SCML2: variants seen among roughly 807,000 people sequenced by gnomAD.
The protein encoded by SCML2 is Scm polycomb group protein like 2, also known as sex comb on midleg-like protein 2.
In SCML2, 6 loss-of-function variants were observed where a neutral mutation model predicts 48.4. The observed-to-expected ratio is 0.12, with a 90% CI of 0.07 to 0.24. SCML2 has a LOEUF of 0.24. Ranked by LOEUF, SCML2 falls within the 10% of genes least tolerant of loss-of-function variation. The pLI is 1.00. For synonymous variants in SCML2, 181 were observed against 189.5 expected, an observed-to-expected ratio of 0.95 and a Z score of 0.37; for missense variants, 377 against 528.2, an observed-to-expected ratio of 0.71 and a Z score of 2.81.
At chrX:18,347,142 A>G (rs1028904880) in intron 1 of SCML2, among the ~76,000 whole-genome samples, 4 of 112,068 alleles carry the variant, frequency 3.6e-5, no homozygotes, top group Non-Finnish European at 5.6e-5. Context: ...AATTAAGACT[A>G]ATCAATATTA....
chrX:18,322,754 C>T (rs1453421402), intron 5 of SCML2, among the ~76,000 whole-genome samples: 3 of 110,277 alleles, frequency 2.7e-5, no homozygotes, highest in African/African-American at 6.6e-5. Context: ...ATTAGCCAGG[C>T]GTGGTGGCGG....
At position 18,305,229 on chromosome X, in the gene SCML2, A is replaced by T. The variant is rs779197635; in HGVS notation, c.487-14T>A. 5 of 385,886 alleles carry T rather than the reference A, an allele frequency of 1.3e-5. No homozygotes were observed. In the South Asian group the frequency reaches 2.1e-4, roughly 16 times the overall value. 31.8% of individuals were successfully genotyped at this position (385,886 alleles called of 1,213,427 possible). ...CTTTGGTGGTTCCTATCAAAACATT[A>T]AAAAAAAAAAAGATTTCATTGTTAA... On this transcript the variant is annotated splice_polypyrimidine_tract_variant and intron_variant, in intron 6 of 14. Coordinates refer to ENST00000251900, the MANE Select transcript of SCML2 (RefSeq NM_006089.3).
At chrX:18,343,758 C>A (rs1602152578) in intron 1 of SCML2, among the ~76,000 whole-genome samples, 1 of 63,090 alleles carries the variant, frequency 1.6e-5, no homozygotes. Context: ...GAGACTCTGT[C>A]TCAAAAAAAA....
chrX:18,301,359 C>G (rs1928583462), intron 7 of SCML2, among the ~76,000 whole-genome samples: 3 of 110,509 alleles, frequency 2.7e-5, no homozygotes, highest in Non-Finnish European at 5.7e-5. Flanking sequence ...GATCACACCA[C>G]TGCTCTCCAG....
intron 7 of SCML2, among the ~76,000 whole-genome samples, chrX:18,292,410 T>C (rs1602110822): frequency 1.8e-5 from 2 of 110,868 alleles, no homozygotes; most frequent in South Asian, 3.8e-4. Context: ...CTTAACAAAA[T>C]AGAGATTGGG....
intron 6 of SCML2, among the ~76,000 whole-genome samples, chrX:18,315,585 C>A (rs116732275): frequency 0.02 from 2,239 of 110,880 alleles, 32 homozygotes; most frequent in Non-Finnish European, 0.035. Flanking sequence ...ACAAAATGGA[C>A]CATAGAGGAG....
intron 7 of SCML2, among the ~76,000 whole-genome samples, chrX:18,277,180 C>T (rs187358364): frequency 2.7e-3 from 306 of 111,448 alleles, no homozygotes; most frequent in African/African-American, 9.0e-3. Context: ...AAGAGATCCT[C>T]CCACTTCAGC....
chrX:18,301,332 A>G (rs1344354917), intron 7 of SCML2, among the ~76,000 whole-genome samples: 1 of 110,909 alleles, frequency 9.0e-6, no homozygotes, highest in Non-Finnish European at 1.9e-5. Flanking sequence ...CAGGAGGCAG[A>G]GGTTGCACTG....
chrX:18,290,423 T>C, intron 7 of SCML2, among the ~76,000 whole-genome samples: 1 of 111,681 alleles, frequency 9.0e-6, no homozygotes, highest in Non-Finnish European at 1.9e-5. Context: ...CTTGGGATCC[T>C]GCAACCTTAT....
chrX:18,311,968 T>A (rs942643052), intron 6 of SCML2, among the ~76,000 whole-genome samples: 10 of 111,358 alleles, frequency 9.0e-5, no homozygotes, highest in African/African-American at 2.9e-4. Context: ...ATTTTTCAAT[T>A]TGTAGTAGAG....
intron 7 of SCML2, among the ~76,000 whole-genome samples, chrX:18,284,763 G>A (rs1174831139): frequency 5.3e-5 from 6 of 112,457 alleles, no homozygotes; most frequent in Non-Finnish European, 9.4e-5. Flanking sequence ...AGACGTGGCC[G>A]GGTGTGGTGG....
At chrX:18,298,256 T>C (rs1201221303) in intron 7 of SCML2, among the ~76,000 whole-genome samples, 4 of 110,828 alleles carry the variant, frequency 3.6e-5, no homozygotes, top group South Asian at 3.8e-4. Flanking sequence ...TTCACAGAAA[T>C]AGAAAAAACA....
At chrX:18,297,010 C>T (rs936386171) in intron 7 of SCML2, among the ~76,000 whole-genome samples, 3 of 111,319 alleles carry the variant, frequency 2.7e-5, no homozygotes, top group African/African-American at 9.8e-5. Context: ...CAACAAAACA[C>T]TAGTAAACTG....
intron 11 of SCML2, among the ~76,000 whole-genome samples, chrX:18,249,126 A>T (rs1926555160): frequency 8.9e-6 from 1 of 112,144 alleles, no homozygotes. Flanking sequence ...CTACTCCTTC[A>T]TAAAAACAAT....
At chrX:18,326,944 T>C (rs1279766925) in intron 3 of SCML2, among the ~76,000 whole-genome samples, 1 of 111,791 alleles carries the variant, frequency 8.9e-6, no homozygotes, top group Non-Finnish European at 1.9e-5. Context: ...TAATACAGAA[T>C]AGCTTTGTCA....
chrX:18,244,795 T>C (rs1469580144), intron 13 of SCML2, among the ~76,000 whole-genome samples: 1 of 111,249 alleles, frequency 9.0e-6, no homozygotes, highest in African/African-American at 3.3e-5. Context: ...AGATCAGCAA[T>C]ATTTTTCATT....
intron 3 of SCML2, among the ~76,000 whole-genome samples, chrX:18,325,197 T>C (rs747113446): frequency 9.1e-6 from 1 of 110,459 alleles, no homozygotes; most frequent in East Asian, 2.8e-4. Flanking sequence ...GGCTCAGAAA[T>C]AAATTATAAC....
intron 7 of SCML2, among the ~76,000 whole-genome samples, chrX:18,273,766 C>T (rs1927537095): frequency 9.0e-6 from 1 of 111,134 alleles, no homozygotes; most frequent in African/African-American, 3.3e-5. Flanking sequence ...CCAAAACCAC[C>T]CATGGCCCCC....
At chrX:18,250,413 G>A (rs1469898189) in intron 11 of SCML2, among the ~76,000 whole-genome samples, 8 of 106,056 alleles carry the variant, frequency 7.5e-5, no homozygotes, top group African/African-American at 1.0e-4. Flanking sequence ...ATGGAGGCTC[G>A]CTCTGTCACC....
Sources: allele counts gnomAD v4.1 joint callset (sites outside exome capture counted in the v4.1 genomes callset), GRCh38; gene constraint gnomAD v4.1.1; transcripts MANE v1.5; gene names NCBI Gene and HGNC (gene_info 2026-07-23, HGNC 2026-07-21).